Variants in SNX29 observed in about 807,000 individuals in gnomAD.
The protein encoded by SNX29 is sorting nexin-29.
In SNX29, 78 loss-of-function variants were observed where a neutral mutation model predicts 102.1. The ratio of observed to expected loss-of-function variants is 0.76; its 90% CI spans 0.64 to 0.92. The LOEUF is 0.92. Among genes scored for constraint, SNX29 ranks in the 40% least tolerant of loss-of-function variants. The pLI is 0.00. For missense variants in SNX29, 1,280 were observed against 1,061.7 expected (o/e 1.21, Z -2.86); for synonymous variants, 580 against 414.5 (o/e 1.40, Z -4.85).
intron 10 of SNX29, among the ~76,000 whole-genome samples, chr16:12,071,907 G>C (rs969669571): frequency 1.1e-4 from 16 of 152,146 alleles, no homozygotes; most frequent in South Asian, 1.0e-3. Context: ...AGTTGGATTC[G>C]TAAGTATTTT....
intron 19 of SNX29, among the ~76,000 whole-genome samples, chr16:12,483,114 GTTTTTTTTTTTTTTTT>G (rs574090459): frequency 1.5e-5 from 1 of 66,196 alleles, no homozygotes; most frequent in Admixed American, 2.1e-4. Context: ...AAGTTATTAA[GTTTTTTTTTTTTTTTT>G]TTTTTTTTTT....
chr16:12,172,698 T>C (rs2076175823), intron 13 of SNX29, among the ~76,000 whole-genome samples: 1 of 152,250 alleles, frequency 6.6e-6, no homozygotes, highest in African/African-American at 2.4e-5. Flanking sequence ...GATATTATGA[T>C]AAACGGACTT....
At chr16:12,564,934 T>TAAAAAA (rs6145751) in intron 20 of SNX29, among the ~76,000 whole-genome samples, 79 of 144,936 alleles carry the variant, frequency 5.5e-4, no homozygotes, top group African/African-American at 1.8e-3. Flanking sequence ...ACCTTGGTGT[T>TAAAAAA]AAAAAAAAAA....
chr16:12,511,445 C>T (rs2089614764), intron 19 of SNX29, among the ~76,000 whole-genome samples: 3 of 152,174 alleles, frequency 2.0e-5, no homozygotes, highest in Admixed American at 1.3e-4. Context: ...AAACACTCCA[C>T]ATCGTGCTTG....
At chr16:12,232,223 G>A (rs2077790890) in intron 14 of SNX29, among the ~76,000 whole-genome samples, 1 of 152,180 alleles carries the variant, frequency 6.6e-6, no homozygotes, top group Non-Finnish European at 1.5e-5. Context: ...CATGTTAGTA[G>A]ATGTGGTTTA....
At chr16:12,359,640 C>G (rs1263277518) in intron 16 of SNX29, among the ~76,000 whole-genome samples, 2 of 152,084 alleles carry the variant, frequency 1.3e-5, no homozygotes, top group Admixed American at 6.6e-5. Flanking sequence ...AACCCATGTC[C>G]CTATCACTCG....
chr16:12,356,614 A>G (rs1031124102), intron 16 of SNX29, among the ~76,000 whole-genome samples: 5 of 152,156 alleles, frequency 3.3e-5, no homozygotes, highest in Admixed American at 1.3e-4. Flanking sequence ...TTGTGTTGTT[A>G]ACTTTTACCT....
chr16:12,032,857 G>C (rs1035179260), intron 4 of SNX29, among the ~76,000 whole-genome samples: 1 of 151,332 alleles, frequency 6.6e-6, no homozygotes, highest in Non-Finnish European at 1.5e-5. Context: ...AGCCTTGCCA[G>C]TGTTGGGTTT....
intron 4 of SNX29, 130 bp from the exon 5 acceptor site, chr16:12,042,767 C>T: frequency 1.1e-6 from 1 of 906,976 alleles, no homozygotes; most frequent in Non-Finnish European, 1.7e-6. Context: ...TTGGTGTTAT[C>T]TCCTACCTTT....
At chr16:12,515,902 C>T (rs1461933115) in intron 19 of SNX29, among the ~76,000 whole-genome samples, 3 of 152,106 alleles carry the variant, frequency 2.0e-5, no homozygotes, top group African/African-American at 7.2e-5. Flanking sequence ...CACGAGTTAA[C>T]TTCTCATTCA....
intron 20 of SNX29, chr16:12,557,639 G>T (rs1171875953): frequency 2.0e-5 from 3 of 152,206 alleles, no homozygotes; most frequent in African/African-American, 7.2e-5. Context: ...TGGGATTGCA[G>T]GTGTGAGCCA....
At chr16:12,177,162 G>T (rs752050926) in intron 13 of SNX29, among the ~76,000 whole-genome samples, 1 of 152,156 alleles carries the variant, frequency 6.6e-6, no homozygotes, top group South Asian at 2.1e-4. Flanking sequence ...TTTCTGGGCT[G>T]GTCTTGAACT....
At chr16:12,439,755 C>A (rs1200039027) in intron 18 of SNX29, among the ~76,000 whole-genome samples, 3 of 152,202 alleles carry the variant, frequency 2.0e-5, no homozygotes, top group African/African-American at 4.8e-5. Context: ...AGCCATGTGA[C>A]CTTGGTACAC....
intron 13 of SNX29, among the ~76,000 whole-genome samples, chr16:12,170,987 G>T (rs559439134): frequency 1.3e-5 from 2 of 152,188 alleles, no homozygotes; most frequent in African/African-American, 4.8e-5. Context: ...TGTTTAGGGT[G>T]TTAGGGGCGC....
At chr16:12,547,017 A>G (rs1265402309) in intron 20 of SNX29, among the ~76,000 whole-genome samples, 1 of 151,526 alleles carries the variant, frequency 6.6e-6, no homozygotes, top group Non-Finnish European at 1.5e-5. Context: ...CTGATAGTTC[A>G]ACAGCAGATA....
intron 16 of SNX29, among the ~76,000 whole-genome samples, chr16:12,367,999 C>G (rs1012966880): frequency 6.6e-6 from 1 of 152,220 alleles, no homozygotes; most frequent in African/African-American, 2.4e-5. Context: ...GCTGTGTTTT[C>G]CTGACCATGG....
chr16:12,503,861 C>T (rs1040528732), intron 19 of SNX29, among the ~76,000 whole-genome samples: 1 of 152,196 alleles, frequency 6.6e-6, no homozygotes, highest in African/African-American at 2.4e-5. Flanking sequence ...TCTGTTTGAG[C>T]CATGTGTCCA....
rs540047571 is a variant in SNX29, at chr16:12,553,328, A to C, written c.2319-15178A>C. Among the ~76,000 whole-genome samples the C allele has an allele frequency of 4.1e-4, 63 of 152,368 alleles. No homozygotes were observed. The East Asian group carries it at 0.01, about 24-fold the overall frequency. ...CCTGGCCCTGGGAAACGCCCTAACA[A>C]GGCAGGCAGAGAAACCAGCTCGTCT... On this transcript the variant is annotated intron_variant, in intron 20 of 20. Transcript: ENST00000566228.
chr16:12,386,498 C>A lies in SNX29; in HGVS notation c.1900-11948C>A, dbSNP rs144334754. ...CTGGGTGGCTGCGTCTCCCTCCACG[C>A]TCTTCACTGCTCTGCCCACCTGTTC... On this transcript the variant is annotated intron_variant, in intron 16 of 20. Transcript: ENST00000566228. 4.2e-3 allele frequency among the ~76,000 whole-genome samples: 639 copies of A among 152,300 alleles called. 4 individuals are homozygous for A. Among genetic ancestry groups the A allele is most frequent in the African/African-American group, 0.015 (616 of 41,560 alleles).
Sources: gnomAD v4.1 joint callset for allele counts (sites outside exome capture counted in the v4.1 genomes callset) on GRCh38, gnomAD v4.1.1 for gene constraint, MANE v1.5 for transcripts, NCBI Gene and HGNC (gene_info 2026-07-23, HGNC 2026-07-21) for gene names.